Variants in IGF2BP2 observed in about 807,000 individuals in gnomAD.
IGF2BP2 encodes insulin like growth factor 2 mRNA binding protein 2.
A neutral mutation model predicts 75.8 loss-of-function variants in IGF2BP2; 17 were observed. The observed-to-expected ratio is 0.22, with a 90% CI of 0.15 to 0.34. IGF2BP2 has a LOEUF of 0.34. IGF2BP2 is among the 10% of genes least tolerant of loss of function. IGF2BP2 has a pLI of 1.00. For missense variants in IGF2BP2, 516 were observed against 772.4 expected (o/e 0.67, Z 3.93); for synonymous variants, 288 against 295.6 (o/e 0.97, Z 0.26).
At chr3:185,804,746 T>C (rs1039192231) in intron 2 of IGF2BP2, among the ~76,000 whole-genome samples, 34 of 151,974 alleles carry the variant, frequency 2.2e-4, no homozygotes, top group African/African-American at 8.0e-4. Flanking sequence ...TCCCAGCACT[T>C]TGGGAGGCGG....
chr3:185,787,040 T>C (rs1735988554), intron 2 of IGF2BP2, among the ~76,000 whole-genome samples: 1 of 152,220 alleles, frequency 6.6e-6, no homozygotes, highest in South Asian at 2.1e-4. Context: ...TGCTGACTCC[T>C]GATCCAGAGG....
intron 2 of IGF2BP2, among the ~76,000 whole-genome samples, chr3:185,710,124 C>CT (rs1724590142): frequency 6.7e-6 from 1 of 149,550 alleles, no homozygotes; most frequent in South Asian, 2.1e-4. Context: ...AATCCAACTC[C>CT]TTGCCTTTTC....
chr3:185,767,085 AG>A (rs1435807720), intron 2 of IGF2BP2, among the ~76,000 whole-genome samples: 1 of 152,184 alleles, frequency 6.6e-6, no homozygotes, highest in Non-Finnish European at 1.5e-5. Flanking sequence ...CTGTGGACCC[AG>A]TGGCTTCCCA....
intron 2 of IGF2BP2, among the ~76,000 whole-genome samples, chr3:185,699,238 T>C (rs1722978700): frequency 6.6e-6 from 1 of 152,352 alleles, no homozygotes; most frequent in Admixed American, 6.5e-5. Context: ...ACTCATCTTT[T>C]CAATTTCCTA....
chr3:185,794,785 A>G (rs1454324614), intron 2 of IGF2BP2, among the ~76,000 whole-genome samples: 2 of 152,016 alleles, frequency 1.3e-5, no homozygotes, highest in African/African-American at 4.8e-5. Flanking sequence ...CATCTTGCCA[A>G]ACTGAAACTC....
intron 2 of IGF2BP2, among the ~76,000 whole-genome samples, chr3:185,753,245 A>G (rs1301458627): frequency 6.6e-6 from 1 of 152,090 alleles, no homozygotes; most frequent in Non-Finnish European, 1.5e-5. Context: ...AGGTGATATA[A>G]CTCCTGGGAA....
intron 2 of IGF2BP2, among the ~76,000 whole-genome samples, chr3:185,801,902 AAACT>A (rs1658880049): frequency 6.6e-6 from 1 of 152,044 alleles, no homozygotes; most frequent in African/African-American, 2.4e-5. Flanking sequence ...CATTCTCGGC[AAACT>A]AACACAGGAC....
At chr3:185,795,443 A>G (rs1222766585) in intron 2 of IGF2BP2, among the ~76,000 whole-genome samples, 1 of 152,206 alleles carries the variant, frequency 6.6e-6, no homozygotes, top group Non-Finnish European at 1.5e-5. Context: ...GGGTGTACAA[A>G]TATCTGTTCT....
intron 2 of IGF2BP2, among the ~76,000 whole-genome samples, chr3:185,796,946 C>T (rs1737497898): frequency 6.6e-6 from 1 of 152,170 alleles, no homozygotes; most frequent in South Asian, 2.1e-4. Flanking sequence ...TCAAAATGCA[C>T]ATCAGATTCC....
chr3:185,647,918 A>G lies in IGF2BP2; in HGVS notation c.1594-780T>C, dbSNP rs1713871089. ...TCTGGAGGATGCAGAGAATTCAGTG[A>G]CTGGTTCTGAAATAGCTAAACAGGA... On this transcript the variant is annotated intron_variant, in intron 14 of 15. Coordinates refer to ENST00000382199, the MANE Select transcript of IGF2BP2 (RefSeq NM_006548.6). The surrounding 1 kb of genome is among the most constrained non-coding windows in gnomAD (Gnocchi z 4.9). Among the ~76,000 whole-genome samples the G allele has an allele frequency of 6.6e-6, 1 of 152,180 alleles. No individual in the cohort carries two copies. The highest frequency in any genetic ancestry group is 1.5e-5 in the Non-Finnish European group (1 of 68,044).
At chr3:185,659,032 CAG>C (rs1202449866) in intron 10 of IGF2BP2, among the ~76,000 whole-genome samples, 2 of 152,018 alleles carry the variant, frequency 1.3e-5, no homozygotes, top group Non-Finnish European at 2.9e-5. Context: ...CTGGGTGACA[CAG>C]AGAGATCCCA....
chr3:185,713,555 T>C (rs1725144053), intron 2 of IGF2BP2: 1 of 503,654 alleles, frequency 2.0e-6, no homozygotes, highest in South Asian at 1.4e-5. Flanking sequence ...GACATCAGAA[T>C]GAAAATTGTT....
At chr3:185,656,991 T>C (rs1715542680) in intron 12 of IGF2BP2, among the ~76,000 whole-genome samples, 1 of 152,212 alleles carries the variant, frequency 6.6e-6, no homozygotes, top group Admixed American at 6.5e-5. Flanking sequence ...TTCCCTTAGC[T>C]TGGGAAAATC....
At chr3:185,706,866 G>A (rs1283445180) in intron 2 of IGF2BP2, among the ~76,000 whole-genome samples, 5 of 151,286 alleles carry the variant, frequency 3.3e-5, no homozygotes, top group Non-Finnish European at 5.9e-5. Context: ...TCAGCCTCCC[G>A]AGTAGCTGGG....
chr3:185,711,150 T>C lies in IGF2BP2; in HGVS notation c.240-12803A>G, dbSNP rs1489938534. Among the ~76,000 whole-genome samples the C allele has an allele frequency of 2.6e-5, 4 of 152,188 alleles. No individual in the cohort carries two copies. In the South Asian group the frequency reaches 6.2e-4, roughly 24 times the overall value. Reference sequence around the variant, plus strand: ...TGAGGATCCCTTTGAATCAGTTCTGTAAAGGGGGAAAATTAGGGCAGAGAT... The same window carrying C: ...TGAGGATCCCTTTGAATCAGTTCTGCAAAGGGGGAAAATTAGGGCAGAGAT... On this transcript the variant is annotated intron_variant, in intron 2 of 15. Transcript: ENST00000382199.
At chr3:185,692,633 G>T in intron 5 of IGF2BP2, 66 bp downstream of exon 5, 1 of 1,328,426 alleles carries the variant, frequency 7.5e-7, no homozygotes, top group Non-Finnish European at 1.1e-6. Flanking sequence ...TAAAAACACA[G>T]AACTCAATGG....
At chr3:185,686,294 G>C (rs1057168326) in intron 7 of IGF2BP2, among the ~76,000 whole-genome samples, 1 of 151,628 alleles carries the variant, frequency 6.6e-6, no homozygotes, top group Non-Finnish European at 1.5e-5. Context: ...TGAGGCAGGA[G>C]AATCACTTGA....
intron 7 of IGF2BP2, among the ~76,000 whole-genome samples, chr3:185,676,168 G>A (rs1375065816): frequency 6.6e-6 from 1 of 152,066 alleles, no homozygotes; most frequent in Non-Finnish European, 1.5e-5. Context: ...TGGCCAATGA[G>A]GGTATTACAA....
chr3:185,672,678 A>G lies in IGF2BP2; in HGVS notation c.1072-9T>C. ...ATCAGATTGGCTTGTTGCTGGGAAT[A>G]GAAATGGAGAAAAAAGATGAAGGGA... On this transcript the variant is annotated splice_polypyrimidine_tract_variant and intron_variant, in intron 9 of 15. Coordinates refer to ENST00000382199, the MANE Select transcript of IGF2BP2 (RefSeq NM_006548.6). The G allele has an allele frequency of 6.2e-7, 1 of 1,614,032 alleles. No individual in the cohort carries two copies. Among genetic ancestry groups the G allele is most frequent in the Non-Finnish European group, 8.5e-7 (1 of 1,179,972 alleles).
Sources: gnomAD v4.1 joint callset for allele counts (sites outside exome capture counted in the v4.1 genomes callset) on GRCh38, gnomAD v4.1.1 for gene constraint, Gnocchi (gnomAD v3.1) non-coding constraint, MANE v1.5 for transcripts, NCBI Gene and HGNC (gene_info 2026-07-23, HGNC 2026-07-21) for gene names.